Variants in SLC67A1 observed in about 807,000 individuals in gnomAD.
The protein encoded by SLC67A1 is solute carrier family 67 member 1.
chr11:2,910,233 G>A, the SLC67A1 span, among the ~76,000 whole-genome samples: 3 of 152,180 alleles, frequency 2.0e-5, no homozygotes, highest in Non-Finnish European at 2.9e-5. Context: ...AGGAGGTGGA[G>A]TGGGGTGGGG....
chr11:2,910,645 G>A, the SLC67A1 span, among the ~76,000 whole-genome samples: 1 of 152,168 alleles, frequency 6.6e-6, no homozygotes, highest in Non-Finnish European at 1.5e-5. Context: ...CAGCCATTGT[G>A]CCGGCCGAGG....
chr11:2,908,542 T>A, the SLC67A1 span, among the ~76,000 whole-genome samples: 1 of 152,208 alleles, frequency 6.6e-6, no homozygotes, highest in Non-Finnish European at 1.5e-5. Context: ...TACTCCTGCC[T>A]GTGGCCAGAG....
chr11:2,912,103 T>C, the SLC67A1 span, among the ~76,000 whole-genome samples: 1 of 152,228 alleles, frequency 6.6e-6, no homozygotes, highest in Admixed American at 6.5e-5. Flanking sequence ...CCAGGCAGTG[T>C]GGGACTCCCT....
the SLC67A1 span, chr11:2,921,912 T>A: frequency 3.2e-6 from 2 of 622,362 alleles, no homozygotes. Flanking sequence ...AGACCCATCC[T>A]GACGCAGTCA....
chr11:2,902,733 CTGGGGAGCCTGGAAGGCTGAGCTATG>C, the SLC67A1 span: 15 of 985,490 alleles, frequency 1.5e-5, no homozygotes, highest in Non-Finnish European at 1.8e-5. Flanking sequence ...GGCAGAGCTA[CTGGGGAGCCTGGAAGGCTGAGCTATG>C]TCTCCCCTAC....
At chr11:2,920,399 T>TCACTGCGA in the SLC67A1 span, 1 of 152,284 alleles carries the variant, frequency 6.6e-6, no homozygotes, top group Admixed American at 6.5e-5. Context: ...TGCGCCCAGC[T>TCACTGCGA]CACTGCGAGG....
At chr11:2,909,536 C>A in the SLC67A1 span, 2 of 1,502,042 alleles carry the variant, frequency 1.3e-6, no homozygotes, top group South Asian at 1.3e-5. Flanking sequence ...AAGGGCCCCA[C>A]CGAGGGGCTT....
chr11:2,909,033 C>G, the SLC67A1 span, among the ~76,000 whole-genome samples: 1 of 152,234 alleles, frequency 6.6e-6, no homozygotes, highest in East Asian at 1.9e-4. Context: ...AACTGAGGCC[C>G]TGAGAGGAGG....
At chr11:2,913,154 C>T in the SLC67A1 span, among the ~76,000 whole-genome samples, 3 of 152,150 alleles carry the variant, frequency 2.0e-5, no homozygotes, top group African/African-American at 7.2e-5. Flanking sequence ...TGGCAGGCAG[C>T]TGAGGGAGCA....
the SLC67A1 span, among the ~76,000 whole-genome samples, chr11:2,907,160 A>G: frequency 7.1e-6 from 1 of 140,142 alleles, no homozygotes; most frequent in Non-Finnish European, 1.5e-5. The surrounding 1 kb of genome is among the most constrained non-coding windows in gnomAD (Gnocchi z 6.7). Context: ...CAAGGGGGAC[A>G]GTGGAAAGAA....
the SLC67A1 span, chr11:2,909,102 C>A: frequency 7.9e-7 from 1 of 1,262,920 alleles, no homozygotes; most frequent in Non-Finnish European, 1.0e-6. Context: ...CGCACTCCAG[C>A]CTCCCTGGTC....
chr11:2,916,742 T>G, the SLC67A1 span: 2 of 1,611,456 alleles, frequency 1.2e-6, no homozygotes, highest in Non-Finnish European at 1.7e-6. Flanking sequence ...CACTGCCAGG[T>G]AAGCCCCGCC....
chr11:2,916,589 C>G, the SLC67A1 span: 43 of 1,563,158 alleles, frequency 2.8e-5, no homozygotes, highest in Non-Finnish European at 3.8e-5. Context: ...CCCTGGGACC[C>G]GCACCCTGTG....
the SLC67A1 span, among the ~76,000 whole-genome samples, chr11:2,915,779 C>T: frequency 6.6e-6 from 1 of 152,246 alleles, no homozygotes; most frequent in African/African-American, 2.4e-5. Flanking sequence ...GAAGCCCCAA[C>T]TTCCTCCTGT....
At chr11:2,916,194 A>C in the SLC67A1 span, 1 of 162,332 alleles carries the variant, frequency 6.2e-6, no homozygotes, top group East Asian at 1.7e-4. Context: ...CAGCATAGCC[A>C]TCCCCATGAC....
At chr11:2,908,271 C>T in the SLC67A1 span, 14 of 1,613,928 alleles carry the variant, frequency 8.7e-6, no homozygotes, top group South Asian at 2.2e-5. Context: ...CCATTGCCTT[C>T]GGCTACCTGC....
chr11:2,913,288 G>A, the SLC67A1 span, among the ~76,000 whole-genome samples: 5 of 152,306 alleles, frequency 3.3e-5, no homozygotes, highest in East Asian at 9.7e-4. Flanking sequence ...CAGTGGGCAG[G>A]CAGCAGGCCC....
chr11:2,918,526 A>T, the SLC67A1 span, among the ~76,000 whole-genome samples: 1 of 152,242 alleles, frequency 6.6e-6, no homozygotes, highest in African/African-American at 2.4e-5. Flanking sequence ...CAAGCCCACG[A>T]GCAGCCCTGT....
At chr11:2,921,973 T>A in the SLC67A1 span, 2 of 716,842 alleles carry the variant, frequency 2.8e-6, no homozygotes, top group African/African-American at 3.5e-5. Context: ...CTGAGGGGCC[T>A]TCTCTGCAGA....
Sources: allele counts gnomAD v4.1 joint callset (sites outside exome capture counted in the v4.1 genomes callset), GRCh38; gene constraint gnomAD v4.1.1; non-coding constraint Gnocchi (gnomAD v3.1); transcripts MANE v1.5; gene names NCBI Gene and HGNC (gene_info 2026-07-23, HGNC 2026-07-21).